The following MLLT10 variants were observed in gnomAD, a reference collection of about 807,000 sequenced individuals.
MLLT10 encodes the protein protein AF-10.
In MLLT10, 30 loss-of-function variants were observed where a neutral mutation model predicts 129.1. That is an observed-to-expected ratio of 0.23 (90% CI 0.17 to 0.32). MLLT10 has a LOEUF of 0.32. MLLT10 is among the 10% of genes least tolerant of loss of function. The pLI is 1.00. For synonymous variants in MLLT10, 490 were observed against 446.4 expected (o/e 1.10, Z -1.23); for missense variants, 1,119 against 1,268.3 (o/e 0.88, Z 1.79).
At chr10:21,692,321 ATATTATTATTAT>A (rs149552027) in intron 13 of MLLT10, among the ~76,000 whole-genome samples, 1 of 150,620 alleles carries the variant, frequency 6.6e-6, no homozygotes, top group African/African-American at 2.4e-5. Context: ...CACAATGGTT[ATATTATTATTAT>A]TATTATTATT....
chr10:21,741,508 T>C (rs1833625611), intron 22 of MLLT10, among the ~76,000 whole-genome samples: 1 of 152,188 alleles, frequency 6.6e-6, no homozygotes, highest in South Asian at 2.1e-4. Flanking sequence ...CAGTCTTTAA[T>C]AATAGGCTGT....
At chr10:21,556,711 C>G in intron 3 of MLLT10, 1 of 1,612,458 alleles carries the variant, frequency 6.2e-7, no homozygotes, top group Non-Finnish European at 8.5e-7. Flanking sequence ...AACATCACTG[C>G]GCATGTGCAT....
intron 13 of MLLT10, among the ~76,000 whole-genome samples, chr10:21,693,138 T>C (rs2054034133): frequency 6.6e-6 from 1 of 152,198 alleles, no homozygotes; most frequent in Non-Finnish European, 1.5e-5. Flanking sequence ...TGATGACTCA[T>C]ATTTTTATAC....
intron 8 of MLLT10, among the ~76,000 whole-genome samples, chr10:21,648,372 C>T (rs964034674): frequency 1.3e-5 from 2 of 152,110 alleles, no homozygotes; most frequent in African/African-American, 4.8e-5. Context: ...GATTTTTTTA[C>T]ATCTCTATAT....
rs538267649 is a variant in MLLT10, at chr10:21,668,824, A to G, written c.796-1625A>G. 26 of 967,536 alleles carry G rather than the reference A, an allele frequency of 2.7e-5. No individual in the cohort carries two copies. In the Admixed American group the frequency reaches 3.8e-4, roughly 14 times the overall value. 59.9% of individuals were successfully genotyped at this position (967,536 alleles called of 1,614,324 possible). Reference sequence around the variant, plus strand: ...ATTTCCATTTGTAGTACTCTACCCAATTTTCTCTCCATTCTTTATTTGATA... The same window carrying G: ...ATTTCCATTTGTAGTACTCTACCCAGTTTTCTCTCCATTCTTTATTTGATA... On this transcript the variant is annotated intron_variant, in intron 9 of 22. Transcript: ENST00000307729.
At chr10:21,541,083 C>T in intron 3 of MLLT10, among the ~76,000 whole-genome samples, 1 of 152,034 alleles carries the variant, frequency 6.6e-6, no homozygotes, top group East Asian at 1.9e-4. Flanking sequence ...TCGCTTGGAC[C>T]TGGGAGGCAG....
chr10:21,730,736 T>C (rs907633776), intron 16 of MLLT10, among the ~76,000 whole-genome samples, 164 bp from the exon 17 acceptor site: 1 of 152,222 alleles, frequency 6.6e-6, no homozygotes, highest in Admixed American at 6.5e-5. Flanking sequence ...TACTCAATTT[T>C]AGGGTAGATT....
At chr10:21,686,584 C>A (rs1343726984) in intron 13 of MLLT10, among the ~76,000 whole-genome samples, 3 of 152,126 alleles carry the variant, frequency 2.0e-5, no homozygotes, top group Admixed American at 1.3e-4. Context: ...GAAGTTATTT[C>A]ACATACCCAA....
Position 21,727,841 on chromosome 10 carries a change from A to C in MLLT10, c.1991-15A>C, listed in dbSNP as rs761402950. Reference sequence around the variant, plus strand: ...TGAGAGTCACTTTATCAGCTCTGAAATATTTACACTACAGATCAAGATCTT... The same window carrying C: ...TGAGAGTCACTTTATCAGCTCTGAACTATTTACACTACAGATCAAGATCTT... On this transcript the variant is annotated splice_polypyrimidine_tract_variant and intron_variant, in intron 15 of 22. Coordinates refer to ENST00000307729, the MANE Select transcript of MLLT10 (RefSeq NM_001195626.3). 6.2e-7 allele frequency: 1 copy of C among 1,610,260 alleles called. No individual in the cohort carries two copies. Among genetic ancestry groups the C allele is most frequent in the South Asian group, 1.1e-5 (1 of 90,804 alleles).
intron 2 of MLLT10, among the ~76,000 whole-genome samples, chr10:21,536,704 A>G (rs188691189): frequency 6.1e-4 from 92 of 151,964 alleles, no homozygotes; most frequent in African/African-American, 2.0e-3. Flanking sequence ...AGTAGCTGGG[A>G]CCACAGGCCT....
intron 2 of MLLT10, among the ~76,000 whole-genome samples, chr10:21,536,881 T>A (rs1052225965): frequency 6.6e-6 from 1 of 152,106 alleles, no homozygotes; most frequent in Non-Finnish European, 1.5e-5. Context: ...GCATCCAGGT[T>A]CAAGTGATTC....
intron 17 of MLLT10, 22 bp downstream of exon 17, chr10:21,731,076 T>A (rs1040984764): frequency 4.4e-6 from 7 of 1,591,164 alleles, no homozygotes; most frequent in Non-Finnish European, 6.0e-6. Flanking sequence ...TTTTCTTATA[T>A]GTGAATCAAG....
chr10:21,732,833 CT>C lies in MLLT10; in HGVS notation c.2219-65del, dbSNP rs906168995. ...TAACTTATTTCTAAGGTTACCGGCA[CT>C]GCGTAAAATACTTAGTCTTATGTGT... On this transcript the variant is annotated intron_variant, in intron 17 of 22. Coordinates refer to ENST00000307729, the MANE Select transcript of MLLT10 (RefSeq NM_001195626.3). 984 of 1,295,074 alleles carry C rather than the reference CT, an allele frequency of 7.6e-4. 8 individuals carry two copies. Among genetic ancestry groups the C allele is most frequent in the Non-Finnish European group, 5.2e-5 (49 of 942,324 alleles). 80.2% of individuals were successfully genotyped at this position (1,295,074 alleles called of 1,614,324 possible).
intron 4 of MLLT10, among the ~76,000 whole-genome samples, chr10:21,590,409 G>A (rs1209024433): frequency 1.3e-5 from 2 of 151,262 alleles, no homozygotes; most frequent in Non-Finnish European, 2.9e-5. Context: ...GCGTGATGTC[G>A]GCTCACTGCA....
intron 3 of MLLT10, among the ~76,000 whole-genome samples, chr10:21,584,915 T>G (rs552491241): frequency 4.0e-5 from 6 of 151,682 alleles, no homozygotes; most frequent in Non-Finnish European, 7.4e-5. Context: ...TATATACATT[T>G]TTTTTTATTT....
At chr10:21,691,094 T>C (rs1335054778) in intron 13 of MLLT10, among the ~76,000 whole-genome samples, 2 of 152,210 alleles carry the variant, frequency 1.3e-5, no homozygotes, top group Non-Finnish European at 2.9e-5. Flanking sequence ...AGTGCTTGCT[T>C]AGTGAATCGG....
Position 21,735,256 on chromosome 10 carries a change from A to T in MLLT10, c.2955+21A>T, listed in dbSNP as rs540764932. ...CACCAGTAAGTTCTTTCTTTTGATA[A>T]TATCTTATTAGGAGCATGTGTTCTA... On this transcript the variant is annotated intron_variant, in intron 21 of 22. Transcript: ENST00000307729. The T allele has an allele frequency of 1.3e-3, 2,008 of 1,536,754 alleles. 3 individuals carry two copies. Among genetic ancestry groups the T allele is most frequent in the Admixed American group, 1.9e-3 (112 of 59,548 alleles).
chr10:21,689,271 A>G (rs2053588047), intron 13 of MLLT10, among the ~76,000 whole-genome samples: 1 of 152,014 alleles, frequency 6.6e-6, no homozygotes, highest in Non-Finnish European at 1.5e-5. Context: ...TTGAGAACAT[A>G]CACTCTAAAA....
In MLLT10 at chr10:21,742,374, T is replaced by C. The variant is rs746577306; in HGVS notation, c.*391T>C. 1.9e-4 allele frequency: 46 copies of C among 237,770 alleles called. No homozygotes were observed. Among genetic ancestry groups the C allele is most frequent in the Non-Finnish European group, 3.2e-4 (39 of 121,882 alleles). 14.7% of individuals were successfully genotyped at this position (237,770 alleles called of 1,614,324 possible). A position where few individuals can be genotyped will look rare whatever the true frequency, so the allele number is the denominator to read the frequency against. On this transcript the variant is annotated 3_prime_UTR_variant, in exon 23 of 23. Coordinates refer to ENST00000307729, the MANE Select transcript of MLLT10 (RefSeq NM_001195626.3). ...CTTGCTCCATTTACAAACTACTTGA[T>C]TTTATTGTACAAGTTGAAATATGCT... is the stretch of plus-strand genomic sequence containing the variant.
Sources: allele counts gnomAD v4.1 joint callset (sites outside exome capture counted in the v4.1 genomes callset), GRCh38; gene constraint gnomAD v4.1.1; transcripts MANE v1.5; gene names NCBI Gene and HGNC (gene_info 2026-07-23, HGNC 2026-07-21).